PTPRD: variants seen among roughly 807,000 people sequenced by gnomAD.
PTPRD encodes the protein receptor-type tyrosine-protein phosphatase delta.
A neutral mutation model predicts 214.5 loss-of-function variants in PTPRD; 34 were observed. The ratio of observed to expected loss-of-function variants is 0.16; its 90% CI spans 0.12 to 0.21. The LOEUF is 0.21. PTPRD is among the 10% of genes least tolerant of loss of function. The pLI is 1.00. For missense variants in PTPRD, 2,545 were observed against 2,398.7 expected (o/e 1.06, Z -1.27); for synonymous variants, 1,128 against 845.7 (o/e 1.33, Z -5.79).
chr9:10,337,906 T>C (rs1449362825), intron 3 of PTPRD, among the ~76,000 whole-genome samples: 2 of 151,744 alleles, frequency 1.3e-5, no homozygotes, highest in Admixed American at 6.6e-5. Flanking sequence ...TCCCATATTA[T>C]ATCTTTTATG....
At chr9:9,670,418 G>C (rs972190995) in intron 7 of PTPRD, among the ~76,000 whole-genome samples, 25 of 152,268 alleles carry the variant, frequency 1.6e-4, no homozygotes, top group African/African-American at 4.1e-4. Context: ...TGATAGAAAA[G>C]AAACACCCAT....
chr9:8,686,923 T>C (rs1248602749), intron 12 of PTPRD, among the ~76,000 whole-genome samples: 2 of 152,178 alleles, frequency 1.3e-5, no homozygotes, highest in Non-Finnish European at 2.9e-5. Flanking sequence ...GACCAAACTT[T>C]TAAAACACTT....
chr9:9,376,228 T>C (rs965217228), intron 9 of PTPRD, among the ~76,000 whole-genome samples: 3 of 152,142 alleles, frequency 2.0e-5, no homozygotes, highest in African/African-American at 7.2e-5. Flanking sequence ...CTATAATCTA[T>C]ATGTATAGGA....
At chr9:9,369,896 G>T (rs549957104) in intron 9 of PTPRD, among the ~76,000 whole-genome samples, 2 of 152,180 alleles carry the variant, frequency 1.3e-5, no homozygotes, top group African/African-American at 4.8e-5. Context: ...GTTTTTGTCA[G>T]GTTTGTCAAA....
At chr9:8,474,643 C>A (rs1438625323) in intron 30 of PTPRD, among the ~76,000 whole-genome samples, 3 of 152,324 alleles carry the variant, frequency 2.0e-5, no homozygotes, top group East Asian at 1.9e-4. Flanking sequence ...CTAGTCCTTC[C>A]ATTTTCCACA....
intron 7 of PTPRD, among the ~76,000 whole-genome samples, chr9:9,692,651 C>A (rs915187727): frequency 8.9e-5 from 2 of 22,402 alleles, no homozygotes; most frequent in Non-Finnish European, 2.3e-4. Context: ...TTTTTTTTTT[C>A]TATTTCTGTG....
chr9:10,527,450 C>T (rs556077219), intron 2 of PTPRD, among the ~76,000 whole-genome samples: 13 of 152,086 alleles, frequency 8.5e-5, no homozygotes, highest in African/African-American at 1.2e-4. Context: ...AGAATAAAAG[C>T]GTAAGCTAAT....
chr9:9,009,469 T>A (rs2099498723), intron 11 of PTPRD, among the ~76,000 whole-genome samples: 1 of 152,110 alleles, frequency 6.6e-6, no homozygotes, highest in Non-Finnish European at 1.5e-5. Flanking sequence ...TGTGCAGGTT[T>A]GTTACATAGG....
At chr9:9,342,555 T>C (rs982669736) in intron 9 of PTPRD, among the ~76,000 whole-genome samples, 2 of 152,140 alleles carry the variant, frequency 1.3e-5, no homozygotes, top group Non-Finnish European at 2.9e-5. Flanking sequence ...AAGGGAAAAG[T>C]AGAGCTGTTG....
In PTPRD at chr9:8,316,910, G is replaced by GT. The variant is rs1822232216; in HGVS notation, c.*963dup. On this transcript the variant is annotated 3_prime_UTR_variant, in exon 46 of 46. Transcript: ENST00000381196. Reference sequence around the variant, plus strand: ...TGGAAGAACTGACTGACTGATAACTGTATCTATTTTTTGTGTGGACACACT... The same window carrying GT: ...TGGAAGAACTGACTGACTGATAACTGTTATCTATTTTTTGTGTGGACACACT... The GT allele has an allele frequency of 4.3e-6, 1 of 230,232 alleles. No homozygotes were observed. Among genetic ancestry groups the GT allele is most frequent in the Non-Finnish European group, 8.6e-6 (1 of 115,940 alleles). 14.3% of individuals were successfully genotyped at this position (230,232 alleles called of 1,614,324 possible).
At chr9:9,633,317 G>T (rs1448135381) in intron 7 of PTPRD, among the ~76,000 whole-genome samples, 3 of 151,154 alleles carry the variant, frequency 2.0e-5, no homozygotes, top group Non-Finnish European at 4.4e-5. Context: ...AAAAAAAAAA[G>T]AAAGAAAAGT....
intron 14 of PTPRD, among the ~76,000 whole-genome samples, chr9:8,586,688 C>T (rs1340929892): frequency 6.6e-6 from 1 of 152,242 alleles, no homozygotes; most frequent in Non-Finnish European, 1.5e-5. Context: ...TACCCCCAGT[C>T]ACTGTCTATG....
intron 4 of PTPRD, among the ~76,000 whole-genome samples, chr9:9,940,938 A>G (rs2091284025): frequency 6.6e-6 from 1 of 152,106 alleles, no homozygotes; most frequent in Non-Finnish European, 1.5e-5. Flanking sequence ...CTTCCATGGC[A>G]CACAGCTCTC....
intron 12 of PTPRD, among the ~76,000 whole-genome samples, chr9:8,667,827 A>C (rs1327733981): frequency 6.6e-6 from 1 of 152,152 alleles, no homozygotes; most frequent in Non-Finnish European, 1.5e-5. Context: ...TCAGATAAGA[A>C]ATACTCAACC....
intron 10 of PTPRD, among the ~76,000 whole-genome samples, chr9:9,075,973 G>C (rs888142809): frequency 5.9e-5 from 9 of 152,108 alleles, no homozygotes; most frequent in Admixed American, 6.5e-5. Flanking sequence ...CTAGATCCTA[G>C]AGAAATCGCC....
chr9:8,620,013 C>T (rs911214363), intron 14 of PTPRD, among the ~76,000 whole-genome samples: 13 of 152,126 alleles, frequency 8.5e-5, no homozygotes, highest in Middle Eastern at 3.4e-3. Context: ...AGACACTGCA[C>T]ACAGACCCCC....
chr9:9,356,465 T>TAA (rs1265778560), intron 9 of PTPRD, among the ~76,000 whole-genome samples: 1 of 151,396 alleles, frequency 6.6e-6, no homozygotes. Context: ...AACACACATT[T>TAA]AAAATCATCA....
chr9:10,415,423 T>C (rs1159498206), intron 2 of PTPRD, among the ~76,000 whole-genome samples: 1 of 151,940 alleles, frequency 6.6e-6, no homozygotes, highest in East Asian at 1.9e-4. Context: ...AGTTATGGAC[T>C]CTTTTATATT....
At chr9:8,557,787 C>T (rs1000630790) in intron 14 of PTPRD, among the ~76,000 whole-genome samples, 9 of 139,132 alleles carry the variant, frequency 6.5e-5, no homozygotes, top group Admixed American at 2.9e-4. Flanking sequence ...AATACACACA[C>T]ACACACACAC....
Sources: allele counts gnomAD v4.1 joint callset (sites outside exome capture counted in the v4.1 genomes callset), GRCh38; gene constraint gnomAD v4.1.1; transcripts MANE v1.5; gene names NCBI Gene and HGNC (gene_info 2026-07-23, HGNC 2026-07-21).